Variants in DYRK2 observed in about 807,000 individuals in gnomAD.
DYRK2 encodes dual specificity tyrosine phosphorylation regulated kinase 2, also known as dual specificity tyrosine-phosphorylation-regulated kinase 2.
DYRK2 carries 12 observed loss-of-function variants against 41.6 expected under a neutral mutation model. The ratio of observed to expected loss-of-function variants is 0.29; its 90% CI spans 0.18 to 0.47. DYRK2 has a LOEUF of 0.47. Among genes scored for constraint, DYRK2 ranks in the 20% least tolerant of loss-of-function variants. The pLI is 1.00. For missense variants in DYRK2, 678 were observed against 798.4 expected (o/e 0.85, Z 1.82); for synonymous variants, 322 against 315.7 (o/e 1.02, Z -0.21).
At position 67,658,405 on chromosome 12, in the gene DYRK2, C is replaced by T; in HGVS notation, c.1498C>T (p.Leu500=). 1.3e-6 allele frequency: 2 copies of T among 1,597,900 alleles called. No individual in the cohort carries two copies. The highest frequency in any genetic ancestry group is 1.7e-6 in the Non-Finnish European group (2 of 1,172,756). The change falls in exon 3 of 3, where the codon CTG becomes TTG. Residue 500 remains leucine, a synonymous_variant. Transcript: ENST00000344096. This position sits in a 1 kb window ranked among gnomAD's most constrained non-coding sequence, Gnocchi z 4.3. The part of the protein sequence containing the change: ...PPESREWGNA[L]KGCDDPLFLD... ...GGAGAGCAGAGAGTGGGGGAACGCGCTGAAGGGGTGTGATGATCCCCTTTT... is the reference window on the plus strand; with the variant it reads ...GGAGAGCAGAGAGTGGGGGAACGCGTTGAAGGGGTGTGATGATCCCCTTTT...
chr12:67,649,273 T>A, intron 1 of DYRK2, 91 bp downstream of exon 1: 1 of 1,060,532 alleles, frequency 9.4e-7, no homozygotes. Context: ...CTGCGGGACC[T>A]CGAACAAAGT....
In DYRK2 at chr12:67,649,201, C is replaced by A; in HGVS notation, c.49+19C>A. ...CCGACCGGTAAGGAGGCCGTGCCGC[C>A]GCGCCGCATCCCCGGACCCCCGCCG... is the stretch of plus-strand genomic sequence containing the variant. On this transcript the variant is annotated intron_variant, in intron 1 of 2. Transcript: ENST00000344096. The A allele has an allele frequency of 6.7e-7, 1 of 1,487,366 alleles. No homozygotes were observed. Among genetic ancestry groups the A allele is most frequent in the South Asian group, 1.3e-5 (1 of 77,988 alleles). The allele number at this position is 1,487,366 out of a possible 1,614,324, so 92.1% of individuals were successfully genotyped here.
Position 67,660,308 on chromosome 12 carries a change from C to T in DYRK2, c.*1595C>T, listed in dbSNP as rs1646897693. The T allele has an allele frequency of 6.0e-6, 1 of 166,394 alleles. No homozygotes were observed. Among genetic ancestry groups the T allele is most frequent in the Non-Finnish European group, 1.5e-5 (1 of 68,008 alleles). 10.3% of individuals were successfully genotyped at this position (166,394 alleles called of 1,614,324 possible). On this transcript the variant is annotated 3_prime_UTR_variant, in exon 3 of 3. Transcript: ENST00000344096. ...CTTAAAAGCGTGGTCCCCAGTGAGG[C>T]CAAGAAAGTTTCCGGTTAAGTTCTT...
chr12:67,653,205 C>G (rs548260425), intron 2 of DYRK2, among the ~76,000 whole-genome samples: 1 of 152,308 alleles, frequency 6.6e-6, no homozygotes, highest in African/African-American at 2.4e-5. Context: ...TCTCAGACTT[C>G]AAGAGGCTGA....
rs1013657932 is a variant in DYRK2 at position 67,657,917 on chromosome 12, A to G, written c.1010A>G (p.Asp337Gly). 10 of 1,614,220 alleles carry G rather than the reference A, an allele frequency of 6.2e-6. No individual in the cohort carries two copies. Among genetic ancestry groups the G allele is most frequent in the Non-Finnish European group, 8.5e-6 (10 of 1,180,042 alleles). The change falls in exon 3 of 3, where the codon GAT becomes GGT. Residue 337 changes from aspartate to glycine, a missense_variant. Around this residue, in one of 2 missense-constraint regions of DYRK2, gnomAD observed 393 missense variants for 519.1 expected, o/e 0.76. Coordinates refer to ENST00000344096, the MANE Select transcript of DYRK2 (RefSeq NM_006482.3). The surrounding 1 kb of genome is among the most constrained non-coding windows in gnomAD (Gnocchi z 4.8). The stretch of plus-strand genomic sequence containing the variant: ...GCCCACTCGATTCTGCAGTGCTTGG[A>G]TGCTTTGCACAAAAACAGAATAATT... ...KFAHSILQCL[D>G]ALHKNRIIHC...
At chr12:67,652,599 A>G (rs1196682667) in intron 2 of DYRK2, 1 of 152,182 alleles carries the variant, frequency 6.6e-6, no homozygotes, top group Non-Finnish European at 1.5e-5. Context: ...TTCTAAGATG[A>G]CTTCAGAAAA....
chr12:67,649,739 T>C, intron 1 of DYRK2, 58 bp from the exon 2 acceptor site: 1 of 1,296,252 alleles, frequency 7.7e-7, no homozygotes, highest in Non-Finnish European at 9.8e-7. Context: ...GGAGGGGGGG[T>C]CTGGGTGACT....
chr12:67,649,055 C>G lies in DYRK2; in HGVS notation c.-79C>G. 7.9e-7 allele frequency: 1 copy of G among 1,268,846 alleles called. No homozygotes were observed. The highest frequency in any genetic ancestry group is 1.0e-6 in the Non-Finnish European group (1 of 965,880). 78.6% of individuals were successfully genotyped at this position (1,268,846 alleles called of 1,614,324 possible). A position where few individuals can be genotyped will look rare whatever the true frequency, so the allele number is the denominator to read the frequency against. The stretch of plus-strand genomic sequence containing the variant: ...CGCGCGAGGGGCGGCCGGGAGGCGG[C>G]GGCGGCGGCCGCCAGAAGTAGCAGC... On this transcript the variant is annotated 5_prime_UTR_variant, in exon 1 of 3. Transcript: ENST00000344096.
At position 67,658,730 on chromosome 12, in the gene DYRK2, G is replaced by T; in HGVS notation, c.*17G>T. 6.3e-7 allele frequency: 1 copy of T among 1,580,064 alleles called. No homozygotes were observed. Among genetic ancestry groups the T allele is most frequent in the Non-Finnish European group, 8.6e-7 (1 of 1,163,394 alleles). Reference sequence around the variant, plus strand: ...GTTAGCTGAGCTCACGTCCCCTGATGCTGGTAACCTGAAAGATACGACATT... The same window carrying T: ...GTTAGCTGAGCTCACGTCCCCTGATTCTGGTAACCTGAAAGATACGACATT... On this transcript the variant is annotated 3_prime_UTR_variant, in exon 3 of 3. Transcript: ENST00000344096. This position sits in a 1 kb window ranked among gnomAD's most constrained non-coding sequence, Gnocchi z 4.3.
In DYRK2 at chr12:67,657,102, C is replaced by A; in HGVS notation, c.199-4C>A. 2 of 1,539,880 alleles carry A rather than the reference C, an allele frequency of 1.3e-6. No homozygotes were observed. Among genetic ancestry groups the A allele is most frequent in the South Asian group, 1.3e-5 (1 of 78,584 alleles). ...TCTATTTATATTTCCTGTCTGAATT[C>A]CAGATTGGCGGCAGTAAGCACACAA... On this transcript the variant is annotated splice_polypyrimidine_tract_variant and splice_region_variant and intron_variant, in intron 2 of 2. Transcript: ENST00000344096. The surrounding 1 kb of genome is among the most constrained non-coding windows in gnomAD (Gnocchi z 4.8).
At chr12:67,652,459 G>C (rs1191999972) in intron 2 of DYRK2, 1 of 152,060 alleles carries the variant, frequency 6.6e-6, no homozygotes, top group Non-Finnish European at 1.5e-5. Flanking sequence ...AAAAATGGCA[G>C]TATTTTGAAG....
Position 67,648,896 on chromosome 12 carries a change from G to T in DYRK2, c.-238G>T, listed in dbSNP as rs1042986218. 8.8e-6 allele frequency: 3 copies of T among 339,728 alleles called. No homozygotes were observed. Among genetic ancestry groups the T allele is most frequent in the Non-Finnish European group, 1.6e-5 (3 of 189,986 alleles). The allele number at this position is 339,728 out of a possible 1,614,324, so 21.0% of individuals were successfully genotyped here. A position where few individuals can be genotyped will look rare whatever the true frequency, so the allele number is the denominator to read the frequency against. On this transcript the variant is annotated 5_prime_UTR_variant, in exon 1 of 3. Coordinates refer to ENST00000344096, the MANE Select transcript of DYRK2 (RefSeq NM_006482.3). ...GCACGGGCCGGAGGGTGCTGCAGCC[G>T]CCCGAGGAAGAGGAGGACGGCGGCG...
intron 2 of DYRK2, among the ~76,000 whole-genome samples, chr12:67,651,179 T>A (rs1306703614): frequency 1.3e-5 from 2 of 152,236 alleles, no homozygotes; most frequent in Non-Finnish European, 2.9e-5. Flanking sequence ...TGTGTTGGAC[T>A]GTGGATGGTA....
At position 67,663,197 on chromosome 12, in the gene DYRK2, T is replaced by G. The variant is rs1565807204; in HGVS notation, c.*4484T>G. 1 of 152,084 alleles carries G rather than the reference T, an allele frequency of 6.6e-6. No individual in the cohort carries two copies. The highest frequency in any genetic ancestry group is 1.5e-5 in the Non-Finnish European group (1 of 68,012). The allele number at this position is 152,084 out of a possible 1,614,324, so 9.4% of individuals were successfully genotyped here. On this transcript the variant is annotated 3_prime_UTR_variant, in exon 3 of 3. Transcript: ENST00000344096. Reference sequence around the variant, plus strand: ...GGTCTCTGTGGTTCACATTTTTTTGTGTTGTAGTGTCTCCTGCCTCGGTTG... The same window carrying G: ...GGTCTCTGTGGTTCACATTTTTTTGGGTTGTAGTGTCTCCTGCCTCGGTTG...
Position 67,662,850 on chromosome 12 carries a change from A to C in DYRK2, c.*4137A>C, listed in dbSNP as rs1301324616. The C allele has an allele frequency of 6.6e-6, 1 of 152,320 alleles. No homozygotes were observed. Among genetic ancestry groups the C allele is most frequent in the Non-Finnish European group, 1.5e-5 (1 of 68,000 alleles). 9.4% of individuals were successfully genotyped at this position (152,320 alleles called of 1,614,324 possible). On this transcript the variant is annotated 3_prime_UTR_variant, in exon 3 of 3. Transcript: ENST00000344096. ...CTTTATTAGTTCAATATAAGTATGC[A>C]GATTCCAAGTGGAAAAACAAAGGTT...
chr12:67,653,331 A>AT (rs988416950), intron 2 of DYRK2, among the ~76,000 whole-genome samples: 1 of 152,026 alleles, frequency 6.6e-6, no homozygotes, highest in Non-Finnish European at 1.5e-5. Context: ...TCTCTGCCCC[A>AT]TTTTTTATAA....
rs1300115626 is a variant in DYRK2 at position 67,648,830 on chromosome 12, G to A, written c.-304G>A. The A allele has an allele frequency of 1.9e-5, 4 of 213,038 alleles. No individual in the cohort carries two copies. The highest frequency in any genetic ancestry group is 3.7e-5 in the Non-Finnish European group (4 of 108,966). 13.2% of individuals were successfully genotyped at this position (213,038 alleles called of 1,614,324 possible). On this transcript the variant is annotated 5_prime_UTR_variant, in exon 1 of 3. Transcript: ENST00000344096. ...GCTCCCCGCGCCCCTATGTGAGGGA[G>A]ACGGGGAGGCCCGCGGCGCGCAGGG...
chr12:67,651,081 C>G (rs1206634648), intron 2 of DYRK2, among the ~76,000 whole-genome samples: 1 of 152,180 alleles, frequency 6.6e-6, no homozygotes, highest in African/African-American at 2.4e-5. Context: ...GTTGCTGTTA[C>G]TATCTTCCCC....
At position 67,658,042 on chromosome 12, in the gene DYRK2, G is replaced by A. The variant is rs749689088; in HGVS notation, c.1135G>A (p.Val379Ile). The A allele has an allele frequency of 8.1e-6, 13 of 1,614,218 alleles. No individual in the cohort carries two copies. Among genetic ancestry groups the A allele is most frequent in the South Asian group, 5.5e-5 (5 of 91,080 alleles). The change falls in exon 3 of 3, where the codon GTC (valine) becomes ATC (isoleucine). Residue 379 changes from valine to isoleucine, a missense_variant. Physicochemically the swap from Val to Ile is conservative, Grantham distance 29 (BLOSUM62 3). Coordinates refer to ENST00000344096, the MANE Select transcript of DYRK2 (RefSeq NM_006482.3). This position sits in a 1 kb window ranked among gnomAD's most constrained non-coding sequence, Gnocchi z 4.3. ...CTCCAGTTGTTACGAGCATCAGCGT[G>A]TCTACACGTACATCCAGTCGCGTTT... The part of the protein sequence containing the change: ...FGSSCYEHQR[V>I]YTYIQSRFYR...
Sources: gnomAD v4.1 joint callset for allele counts (sites outside exome capture counted in the v4.1 genomes callset) on GRCh38, gnomAD v4.1.1 for gene constraint, gnomAD v4.1.1 regional missense constraint, Gnocchi (gnomAD v3.1) non-coding constraint, MANE v1.5 for transcripts, NCBI Gene and HGNC (gene_info 2026-07-23, HGNC 2026-07-21) for gene names.